The following PCCA variants were observed in gnomAD, a reference collection of about 807,000 sequenced individuals.
The protein encoded by PCCA is propionyl-CoA carboxylase alpha chain, mitochondrial.
A neutral mutation model predicts 101.3 loss-of-function variants in PCCA; 74 were observed. That is an observed-to-expected ratio of 0.73 (90% CI 0.61 to 0.89). The LOEUF (loss-of-function observed/expected upper bound fraction) is 0.89, where lower values mean the gene tolerates loss of function less well. PCCA is among the 40% of genes least tolerant of loss of function. The pLI is 0.00. For missense variants in PCCA, 891 were observed against 907.0 expected (o/e 0.98, Z 0.23); for synonymous variants, 294 against 313.6 (o/e 0.94, Z 0.66).
At chr13:100,256,250 C>T (rs2062067841) in intron 8 of PCCA, among the ~76,000 whole-genome samples, 1 of 152,102 alleles carries the variant, frequency 6.6e-6, no homozygotes, top group Non-Finnish European at 1.5e-5. Flanking sequence ...CGTAATTCGC[C>T]CACCTCAGCC....
At chr13:100,209,516 T>C (rs2059075248) in intron 7 of PCCA, 53 bp downstream of exon 7, 1 of 1,502,666 alleles carries the variant, frequency 6.7e-7, no homozygotes, top group Admixed American at 1.7e-5. Flanking sequence ...AAACATTTTG[T>C]CAAAAGTATA....
intron 18 of PCCA, among the ~76,000 whole-genome samples, chr13:100,359,109 A>T (rs1255207501): frequency 6.7e-6 from 1 of 148,558 alleles, no homozygotes; most frequent in Non-Finnish European, 1.5e-5. Context: ...AAAAAAAAAA[A>T]AAGAAAAAGA....
At chr13:100,124,854 T>G (rs577517621) in intron 4 of PCCA, among the ~76,000 whole-genome samples, 11 of 152,306 alleles carry the variant, frequency 7.2e-5, no homozygotes, top group African/African-American at 2.4e-4. Context: ...TATCTTCAGT[T>G]TTACCTTAGA....
At chr13:100,483,397 A>G (rs1051045645) in intron 21 of PCCA, among the ~76,000 whole-genome samples, 2 of 152,146 alleles carry the variant, frequency 1.3e-5, no homozygotes, top group Non-Finnish European at 2.9e-5. Context: ...CTCAGCACAC[A>G]CTTAGCCGGA....
chr13:100,416,190 G>A (rs2760309), intron 19 of PCCA, among the ~76,000 whole-genome samples: 9,095 of 144,740 alleles, frequency 0.063, 849 homozygotes, highest in African/African-American at 0.21. Flanking sequence ...ATAAATCATG[G>A]TTTTTTTTTT....
At chr13:100,119,324 C>T (rs1024561720) in intron 4 of PCCA, among the ~76,000 whole-genome samples, 6 of 151,958 alleles carry the variant, frequency 3.9e-5, no homozygotes, top group East Asian at 1.9e-4. Context: ...ATTGTTTCCT[C>T]GCATGTTTAA....
intron 4 of PCCA, among the ~76,000 whole-genome samples, chr13:100,131,584 G>A (rs763781173): frequency 1.2e-4 from 18 of 152,286 alleles, no homozygotes; most frequent in Non-Finnish European, 2.4e-4. Context: ...TTCTGGAAAC[G>A]GGTGGTGGCG....
intron 1 of PCCA, among the ~76,000 whole-genome samples, chr13:100,097,791 C>T (rs567732190): frequency 6.6e-6 from 1 of 152,112 alleles, no homozygotes. Context: ...GTGGGAGGAT[C>T]ACTTGAGGCC....
intron 10 of PCCA, among the ~76,000 whole-genome samples, chr13:100,264,099 T>C (rs1040109586): frequency 1.2e-4 from 18 of 145,682 alleles, no homozygotes; most frequent in Admixed American, 4.9e-4. Flanking sequence ...TATCTGTATA[T>C]CGTATATATA....
At chr13:100,325,536 A>AG (rs781155976) in intron 16 of PCCA, among the ~76,000 whole-genome samples, 3 of 152,098 alleles carry the variant, frequency 2.0e-5, no homozygotes, top group East Asian at 1.9e-4. Context: ...CCTTATTCTG[A>AG]GGGGGAAAAA....
chr13:100,153,431 A>G (rs752148452), intron 4 of PCCA, among the ~76,000 whole-genome samples: 2 of 152,346 alleles, frequency 1.3e-5, no homozygotes, highest in African/African-American at 2.4e-5. Context: ...TCCATCTTCT[A>G]TAATAGGTGG....
intron 19 of PCCA, among the ~76,000 whole-genome samples, chr13:100,380,577 A>G (rs1174528706): frequency 2.0e-5 from 3 of 152,228 alleles, no homozygotes; most frequent in Admixed American, 6.5e-5. Context: ...AAATAATTCA[A>G]TGGTAAAAAG....
chr13:100,272,661 A>T (rs558749991), intron 11 of PCCA, among the ~76,000 whole-genome samples: 14 of 152,198 alleles, frequency 9.2e-5, no homozygotes, highest in Non-Finnish European at 1.0e-4. Flanking sequence ...AAGGGAGAGC[A>T]TCACCTTGTT....
intron 21 of PCCA, among the ~76,000 whole-genome samples, chr13:100,497,101 C>T (rs2085331352): frequency 6.6e-6 from 1 of 152,126 alleles, no homozygotes; most frequent in Non-Finnish European, 1.5e-5. Context: ...GTTCTCTCTC[C>T]CCTAATTAAC....
chr13:100,423,896 C>G (rs529402824), intron 19 of PCCA, among the ~76,000 whole-genome samples: 6 of 152,294 alleles, frequency 3.9e-5, no homozygotes, highest in African/African-American at 1.2e-4. Context: ...CTTCCTGAGG[C>G]TTTGCTACGA....
intron 6 of PCCA, among the ~76,000 whole-genome samples, chr13:100,166,951 GT>G (rs1308831409): frequency 2.6e-5 from 4 of 152,114 alleles, no homozygotes; most frequent in African/African-American, 9.7e-5. Flanking sequence ...TCTTATTGTG[GT>G]TTTGATTTGC....
chr13:100,392,765 A>G (rs2076862721), intron 19 of PCCA, among the ~76,000 whole-genome samples: 1 of 152,232 alleles, frequency 6.6e-6, no homozygotes, highest in East Asian at 1.9e-4. Context: ...TGGGATTCCA[A>G]ACAGAATCCA....
chr13:100,264,582 GCT>G (rs747456935), intron 10 of PCCA, among the ~76,000 whole-genome samples: 3 of 152,072 alleles, frequency 2.0e-5, no homozygotes, highest in Non-Finnish European at 4.4e-5. Flanking sequence ...TCTAAGAATT[GCT>G]CTGTGATCTC....
chr13:100,521,569 C>A (rs1405676488), intron 22 of PCCA, among the ~76,000 whole-genome samples: 1 of 152,234 alleles, frequency 6.6e-6, no homozygotes, highest in Admixed American at 6.5e-5. Flanking sequence ...GTTTCTTCTT[C>A]AGGAAATATC....
Sources: gnomAD v4.1 joint callset for allele counts (sites outside exome capture counted in the v4.1 genomes callset) on GRCh38, gnomAD v4.1.1 for gene constraint, MANE v1.5 for transcripts, NCBI Gene and HGNC (gene_info 2026-07-23, HGNC 2026-07-21) for gene names.